The following PTPRD variants were observed in gnomAD, a reference collection of about 807,000 sequenced individuals.
PTPRD encodes the protein protein tyrosine phosphatase receptor type D.
PTPRD carries 34 observed loss-of-function variants against 214.5 expected under a neutral mutation model. The observed-to-expected ratio is 0.16, with a 90% CI of 0.12 to 0.21. PTPRD has a LOEUF of 0.21. Among genes scored for constraint, PTPRD ranks in the 10% least tolerant of loss-of-function variants. The pLI, the probability that PTPRD is intolerant of heterozygous loss-of-function variation, is 1.00. For missense variants in PTPRD, 2,545 were observed against 2,398.7 expected (o/e 1.06, Z -1.27); for synonymous variants, 1,128 against 845.7 (o/e 1.33, Z -5.79).
intron 9 of PTPRD, among the ~76,000 whole-genome samples, chr9:9,237,665 G>C (rs1442472640): frequency 6.6e-6 from 1 of 152,054 alleles, no homozygotes; most frequent in Non-Finnish European, 1.5e-5. Flanking sequence ...ATGGTCCAAA[G>C]CTGACTTAAT....
chr9:8,463,694 A>T (rs926078714), intron 32 of PTPRD, among the ~76,000 whole-genome samples: 3 of 152,014 alleles, frequency 2.0e-5, no homozygotes, highest in Non-Finnish European at 2.9e-5. Context: ...GCAATAAGAG[A>T]TTAAATTTTG....
intron 10 of PTPRD, among the ~76,000 whole-genome samples, chr9:9,161,500 T>A (rs906438201): frequency 1.3e-5 from 2 of 152,124 alleles, no homozygotes; most frequent in Non-Finnish European, 2.9e-5. Flanking sequence ...CCAGGCAGTT[T>A]AGCAATAGAG....
chr9:9,201,975 G>A (rs375506803), intron 9 of PTPRD, among the ~76,000 whole-genome samples: 1 of 152,210 alleles, frequency 6.6e-6, no homozygotes, highest in Non-Finnish European at 1.5e-5. Flanking sequence ...AGAGGAGAGA[G>A]TGTTGAATAC....
intron 10 of PTPRD, among the ~76,000 whole-genome samples, chr9:9,146,203 T>G (rs1333820654): frequency 6.6e-6 from 1 of 152,340 alleles, no homozygotes; most frequent in East Asian, 1.9e-4. Flanking sequence ...GATTGTTTAT[T>G]CGTTAGTACC....
At chr9:10,244,168 A>G (rs1043593876) in intron 3 of PTPRD, among the ~76,000 whole-genome samples, 1 of 152,060 alleles carries the variant, frequency 6.6e-6, no homozygotes, top group East Asian at 1.9e-4. Flanking sequence ...ATTAAAATCA[A>G]CCTGCCTGTG....
rs186727758 is a variant in PTPRD at position 9,243,983 on chromosome 9, T to C, written c.-202-60620A>G. On this transcript the variant is annotated intron_variant, in intron 9 of 45. Coordinates refer to ENST00000381196, the MANE Select transcript of PTPRD (RefSeq NM_002839.4). ...CAATGTGCAAAAATCACAAGCATTCTTATACACCAATAACAGACAGAGAGC... is the reference window on the plus strand; with the variant it reads ...CAATGTGCAAAAATCACAAGCATTCCTATACACCAATAACAGACAGAGAGC... Among the ~76,000 whole-genome samples the C allele has an allele frequency of 7.9e-3, 1,199 of 152,214 alleles. 17 individuals are homozygous for C. The highest frequency in any genetic ancestry group is 0.027 in the African/African-American group (1,142 of 41,536).
At chr9:9,678,557 A>G (rs928224664) in intron 7 of PTPRD, among the ~76,000 whole-genome samples, 1 of 151,920 alleles carries the variant, frequency 6.6e-6, no homozygotes, top group African/African-American at 2.4e-5. Context: ...TACCTCAAAG[A>G]TATTTAATAA....
chr9:9,934,944 T>A (rs962860613), intron 5 of PTPRD, among the ~76,000 whole-genome samples: 5 of 152,166 alleles, frequency 3.3e-5, no homozygotes, highest in Non-Finnish European at 7.3e-5. Flanking sequence ...ATAAATATAA[T>A]CCAGCATATA....
chr9:10,505,864 T>G (rs1234190070), intron 2 of PTPRD, among the ~76,000 whole-genome samples: 1 of 89,156 alleles, frequency 1.1e-5, no homozygotes, highest in Non-Finnish European at 2.4e-5. Flanking sequence ...AACTTAAATT[T>G]TAAGCAATAT....
chr9:8,510,141 A>ATT (rs1304012797), intron 21 of PTPRD, among the ~76,000 whole-genome samples: 2 of 152,016 alleles, frequency 1.3e-5, no homozygotes, highest in Non-Finnish European at 2.9e-5. Flanking sequence ...AACTTAAAAA[A>ATT]ATCAGCTGGG....
At chr9:9,569,880 A>G (rs1035277014) in intron 8 of PTPRD, among the ~76,000 whole-genome samples, 3 of 151,544 alleles carry the variant, frequency 2.0e-5, no homozygotes, top group Non-Finnish European at 4.4e-5. Flanking sequence ...ATCTGTCCAA[A>G]GGTGTGAAGA....
intron 3 of PTPRD, among the ~76,000 whole-genome samples, chr9:10,116,361 G>A (rs2098731354): frequency 6.6e-6 from 1 of 151,994 alleles, no homozygotes; most frequent in African/African-American, 2.4e-5. Context: ...TCACTTAATT[G>A]ATTATGAATA....
intron 5 of PTPRD, among the ~76,000 whole-genome samples, chr9:9,894,207 G>A (rs895870103): frequency 6.6e-6 from 1 of 151,982 alleles, no homozygotes; most frequent in African/African-American, 2.4e-5. Context: ...CAGCCTCCTG[G>A]CTGGTCTCTC....
At chr9:9,108,812 G>A (rs1460455286) in intron 10 of PTPRD, among the ~76,000 whole-genome samples, 1 of 152,098 alleles carries the variant, frequency 6.6e-6, no homozygotes, top group Non-Finnish European at 1.5e-5. Context: ...TAACTGCTGA[G>A]GCCCTCTGGC....
chr9:9,262,759 A>T (rs964343342), intron 9 of PTPRD, among the ~76,000 whole-genome samples: 2 of 151,664 alleles, frequency 1.3e-5, no homozygotes, highest in Admixed American at 1.3e-4. Flanking sequence ...TCTTATTGTA[A>T]TCAGTTTTCC....
chr9:10,318,740 T>C (rs1346621291), intron 3 of PTPRD, among the ~76,000 whole-genome samples: 3 of 151,860 alleles, frequency 2.0e-5, no homozygotes, highest in African/African-American at 7.3e-5. Context: ...GTTTCCAGAG[T>C]AGTTGGGGCT....
chr9:9,345,903 C>G (rs2048620764), intron 9 of PTPRD, among the ~76,000 whole-genome samples: 1 of 152,132 alleles, frequency 6.6e-6, no homozygotes, highest in African/African-American at 2.4e-5. Context: ...TCTATTATTT[C>G]TCTAAATAGT....
At chr9:8,456,334 G>T (rs539771231) in intron 33 of PTPRD, among the ~76,000 whole-genome samples, 1 of 152,130 alleles carries the variant, frequency 6.6e-6, no homozygotes, top group Non-Finnish European at 1.5e-5. Flanking sequence ...CTAGAGAGGG[G>T]AGGAGAAGAG....
intron 2 of PTPRD, among the ~76,000 whole-genome samples, chr9:10,342,334 G>C (rs1195277916): frequency 6.6e-6 from 1 of 152,022 alleles, no homozygotes; most frequent in Non-Finnish European, 1.5e-5. Context: ...AATTTAACAT[G>C]TTTGTAAATA....
Sources: allele counts gnomAD v4.1 joint callset (sites outside exome capture counted in the v4.1 genomes callset), GRCh38; gene constraint gnomAD v4.1.1; transcripts MANE v1.5; gene names NCBI Gene and HGNC (gene_info 2026-07-23, HGNC 2026-07-21).